Variants in CTNND2 observed in about 807,000 individuals in gnomAD.
CTNND2 encodes catenin delta-2.
Under a neutral mutation model 144.4 loss-of-function variants are expected in CTNND2, and 22 were observed. The ratio of observed to expected loss-of-function variants is 0.15; its 90% CI spans 0.11 to 0.22. The LOEUF (loss-of-function observed/expected upper bound fraction) is 0.22. CTNND2 is among the 10% of genes least tolerant of loss of function. The pLI is 1.00. For synonymous variants in CTNND2, 751 were observed against 695.6 expected (o/e 1.08, Z -1.25); for missense variants, 1,353 against 1,618.8 (o/e 0.84, Z 2.82).
intron 1 of CTNND2, among the ~76,000 whole-genome samples, chr5:11,871,199 C>T (rs1434840017): frequency 6.6e-6 from 1 of 152,154 alleles, no homozygotes; most frequent in Non-Finnish European, 1.5e-5. Flanking sequence ...TAAATTTCTG[C>T]CATTTGTAAA....
chr5:11,148,079 T>A (rs763544859), intron 12 of CTNND2, among the ~76,000 whole-genome samples: 1 of 152,180 alleles, frequency 6.6e-6, no homozygotes, highest in South Asian at 2.1e-4. Flanking sequence ...ATAAAAGTCA[T>A]CTATTGTAGG....
At chr5:11,081,102 A>T (rs201613792) in intron 16 of CTNND2, among the ~76,000 whole-genome samples, 2 of 110,750 alleles carry the variant, frequency 1.8e-5, no homozygotes, top group Non-Finnish European at 4.0e-5. Context: ...ACACACACAC[A>T]CACACTCACA....
intron 3 of CTNND2, among the ~76,000 whole-genome samples, chr5:11,436,175 T>C (rs1008472159): frequency 3.3e-4 from 50 of 151,872 alleles, no homozygotes; most frequent in African/African-American, 1.2e-3. Context: ...ACACTGTTGT[T>C]TGGAAGAACA....
At chr5:11,477,121 T>C (rs1278642653) in intron 3 of CTNND2, among the ~76,000 whole-genome samples, 1 of 152,234 alleles carries the variant, frequency 6.6e-6, no homozygotes, top group African/African-American at 2.4e-5. Context: ...TTCAGTTCCA[T>C]TGCTTTACGG....
intron 16 of CTNND2, among the ~76,000 whole-genome samples, chr5:11,062,081 T>C (rs2907095): frequency 0.19 from 29,388 of 152,166 alleles, 5,522 homozygotes; most frequent in East Asian, 0.58. Flanking sequence ...TGATGTGCTA[T>C]GACTGGTACA....
chr5:11,496,125 C>T (rs1246468505), intron 3 of CTNND2, among the ~76,000 whole-genome samples: 3 of 152,188 alleles, frequency 2.0e-5, no homozygotes, highest in African/African-American at 7.2e-5. Flanking sequence ...TCCCTTTTGT[C>T]TCTCCTTACC....
intron 3 of CTNND2, among the ~76,000 whole-genome samples, chr5:11,545,253 C>T (rs764394446): frequency 6.6e-6 from 1 of 151,400 alleles, no homozygotes; most frequent in Non-Finnish European, 1.5e-5. Context: ...ACCTGGAAGG[C>T]GGAGGTTGAA....
chr5:11,894,073 C>A, intron 1 of CTNND2, among the ~76,000 whole-genome samples: 1 of 149,858 alleles, frequency 6.7e-6, no homozygotes, highest in Non-Finnish European at 1.5e-5. Context: ...ACAGTTAGAG[C>A]GATAAGAATT....
At chr5:11,362,033 G>A (rs1756503644) in intron 8 of CTNND2, among the ~76,000 whole-genome samples, 1 of 152,122 alleles carries the variant, frequency 6.6e-6, no homozygotes, top group South Asian at 2.1e-4. Flanking sequence ...AAGAGCCAGA[G>A]ACCATGAACA....
At chr5:11,314,637 G>A (rs1338855083) in intron 9 of CTNND2, among the ~76,000 whole-genome samples, 2 of 152,210 alleles carry the variant, frequency 1.3e-5, no homozygotes, top group Non-Finnish European at 2.9e-5. Flanking sequence ...AGATTGCTGG[G>A]ATTACTGGCA....
At position 11,093,692 on chromosome 5, in the gene CTNND2, G is replaced by A. The variant is rs148341122; in HGVS notation, c.2637+4883C>T. On this transcript the variant is annotated intron_variant, in intron 15 of 21. Coordinates refer to ENST00000304623, the MANE Select transcript of CTNND2 (RefSeq NM_001332.4). ...TTCTGTTTTTGTTGGGTCATAAAAAGTTAAGAACACTAAAGAAATACCACT... is the reference window on the plus strand; with the variant it reads ...TTCTGTTTTTGTTGGGTCATAAAAAATTAAGAACACTAAAGAAATACCACT... Among the ~76,000 whole-genome samples, 593 of 152,184 alleles carry A rather than the reference G, an allele frequency of 3.9e-3. 4 individuals are homozygous for A. Among genetic ancestry groups the A allele is most frequent in the African/African-American group, 0.012 (498 of 41,536 alleles).
intron 5 of CTNND2, among the ~76,000 whole-genome samples, chr5:11,405,118 A>T (rs1463002417): frequency 6.6e-6 from 1 of 151,984 alleles, no homozygotes; most frequent in Non-Finnish European, 1.5e-5. Context: ...TCTAATCTTC[A>T]TATTTGTGTT....
chr5:11,535,034 T>G (rs147658859), intron 3 of CTNND2, among the ~76,000 whole-genome samples: 3 of 151,418 alleles, frequency 2.0e-5, no homozygotes, highest in Non-Finnish European at 4.4e-5. Context: ...TAAAAATACA[T>G]CAAATTAGCC....
chr5:11,808,368 G>C (rs1196761640), intron 1 of CTNND2, among the ~76,000 whole-genome samples: 1 of 150,446 alleles, frequency 6.6e-6, no homozygotes, highest in African/African-American at 2.4e-5. Flanking sequence ...CTAGAGTGGG[G>C]AACGGACAAA....
chr5:11,117,107 G>T (rs1341675309), intron 13 of CTNND2, among the ~76,000 whole-genome samples: 1 of 150,196 alleles, frequency 6.7e-6, no homozygotes, highest in Non-Finnish European at 1.5e-5. Context: ...TTAACATCTT[G>T]TCTTTTCTGT....
intron 1 of CTNND2, among the ~76,000 whole-genome samples, chr5:11,759,424 T>C (rs1220265424): frequency 6.6e-6 from 1 of 152,096 alleles, no homozygotes; most frequent in Non-Finnish European, 1.5e-5. Context: ...TACATAAATA[T>C]AAATCAATAT....
At chr5:11,575,770 G>A (rs1198001571) in intron 2 of CTNND2, among the ~76,000 whole-genome samples, 2 of 152,056 alleles carry the variant, frequency 1.3e-5, no homozygotes, top group Non-Finnish European at 2.9e-5. Flanking sequence ...ACCACCTCCT[G>A]CTTTCTTTCC....
intron 2 of CTNND2, among the ~76,000 whole-genome samples, chr5:11,625,140 A>C (rs1052617534): frequency 2.6e-5 from 4 of 152,266 alleles, no homozygotes; most frequent in South Asian, 2.1e-4. Flanking sequence ...ACGTTACATG[A>C]AATTGCTATG....
chr5:11,234,860 C>A (rs1171948231), intron 10 of CTNND2, among the ~76,000 whole-genome samples: 2 of 152,194 alleles, frequency 1.3e-5, no homozygotes, highest in East Asian at 3.9e-4. Flanking sequence ...TGATAAAACT[C>A]AAGAGCTTCC....
Sources: allele counts gnomAD v4.1 joint callset (sites outside exome capture counted in the v4.1 genomes callset), GRCh38; gene constraint gnomAD v4.1.1; transcripts MANE v1.5; gene names NCBI Gene and HGNC (gene_info 2026-07-23, HGNC 2026-07-21).